PARD3B: variants seen among roughly 807,000 people sequenced by gnomAD.
PARD3B encodes the protein partitioning defective 3 homolog B.
Under a neutral mutation model 130.2 loss-of-function variants are expected in PARD3B, and 103 were observed. The observed-to-expected ratio is 0.79, with a 90% CI of 0.67 to 0.93. PARD3B has a LOEUF of 0.93. PARD3B is among the 40% of genes least tolerant of loss of function. PARD3B has a pLI of 0.00. For synonymous variants in PARD3B, 583 were observed against 553.2 expected (o/e 1.05, Z -0.76); for missense variants, 1,609 against 1,499.2 (o/e 1.07, Z -1.21).
At chr2:204,722,980 G>A (rs761549340) in intron 2 of PARD3B, among the ~76,000 whole-genome samples, 1 of 152,118 alleles carries the variant, frequency 6.6e-6, no homozygotes, top group Non-Finnish European at 1.5e-5. Flanking sequence ...CAATTGGGGA[G>A]TAATTTTTAT....
intron 2 of PARD3B, among the ~76,000 whole-genome samples, chr2:204,772,293 G>A (rs2125432839): frequency 6.6e-6 from 1 of 152,090 alleles, no homozygotes; most frequent in Admixed American, 6.6e-5. Context: ...AAAGAGTTAA[G>A]GTTTTCTTGT....
chr2:205,134,018 G>A (rs1393509226), intron 10 of PARD3B, among the ~76,000 whole-genome samples: 2 of 152,082 alleles, frequency 1.3e-5, no homozygotes, highest in Non-Finnish European at 2.9e-5. Flanking sequence ...AGGCTTTAGG[G>A]TAAGATATGT....
intron 2 of PARD3B, among the ~76,000 whole-genome samples, chr2:204,706,439 AC>A (rs1217138127): frequency 6.6e-6 from 1 of 152,080 alleles, no homozygotes; most frequent in Non-Finnish European, 1.5e-5. Flanking sequence ...AAAATAAGGG[AC>A]AGTGGGGAGA....
At chr2:205,371,054 C>T (rs1240137715) in intron 18 of PARD3B, among the ~76,000 whole-genome samples, 1 of 152,186 alleles carries the variant, frequency 6.6e-6, no homozygotes, top group Admixed American at 6.5e-5. Flanking sequence ...CCATCTCCCA[C>T]CAATATCAAA....
Position 205,267,648 on chromosome 2 carries a change from G to A in PARD3B, c.2185+21826G>A, listed in dbSNP as rs531594817. Among the ~76,000 whole-genome samples the A allele has an allele frequency of 7.2e-5, 11 of 152,226 alleles. No homozygotes were observed. In the East Asian group the frequency reaches 1.4e-3, roughly 19 times the overall value. ...GGTATGCCCTAATTTTAATGATTCC[G>A]CAGTCCTATGAGGTGACTTTAATCT... On this transcript the variant is annotated intron_variant, in intron 16 of 22. Transcript: ENST00000406610.
At chr2:205,102,735 A>T (rs534123052) in intron 4 of PARD3B, among the ~76,000 whole-genome samples, 9 of 152,302 alleles carry the variant, frequency 5.9e-5, no homozygotes, top group African/African-American at 2.2e-4. Context: ...TCACTACAAC[A>T]AAGTGCTTCT....
chr2:204,956,818 A>C (rs1690279802), intron 2 of PARD3B, among the ~76,000 whole-genome samples: 1 of 152,206 alleles, frequency 6.6e-6, no homozygotes. Flanking sequence ...AGGCAGGTAT[A>C]TAGAGTTTTT....
chr2:205,558,034 C>T lies in PARD3B; in HGVS notation c.3260+4631C>T, dbSNP rs969190191. 6.6e-6 allele frequency among the ~76,000 whole-genome samples: 1 copy of T among 152,170 alleles called. No homozygotes were observed. The highest frequency in any genetic ancestry group is 1.9e-4 in the East Asian group (1 of 5,190). On this transcript the variant is annotated intron_variant, in intron 22 of 22. Transcript: ENST00000406610. This position sits in a 1 kb window ranked among gnomAD's most constrained non-coding sequence, Gnocchi z 4.8. The stretch of plus-strand genomic sequence containing the variant: ...ACTGAAGCTGAAGGATTCGCCGACT[C>T]AGGAAAGACCAGTGGTCTGGATGGT...
At chr2:204,660,981 G>A (rs1254670844) in intron 1 of PARD3B, among the ~76,000 whole-genome samples, 1 of 152,078 alleles carries the variant, frequency 6.6e-6, no homozygotes, top group Non-Finnish European at 1.5e-5. Context: ...GGATACCTGT[G>A]TATTGGATGA....
rs573496631 is a variant in PARD3B at position 204,734,194 on chromosome 2, G to A, written c.222+47912G>A. 5.3e-5 allele frequency among the ~76,000 whole-genome samples: 8 copies of A among 152,134 alleles called. No individual in the cohort carries two copies. The South Asian group carries it at 1.7e-3, about 32-fold the overall frequency. On this transcript the variant is annotated intron_variant, in intron 2 of 22. Transcript: ENST00000406610. Reference sequence around the variant, plus strand: ...CAATGTTTCTAGTCATCAGAGAAAAGCAAATCAAAATTACAGTGATAACAT... The same window carrying A: ...CAATGTTTCTAGTCATCAGAGAAAAACAAATCAAAATTACAGTGATAACAT...
intron 3 of PARD3B, among the ~76,000 whole-genome samples, chr2:205,045,245 C>T (rs947884586): frequency 1.3e-5 from 2 of 149,262 alleles, no homozygotes; most frequent in African/African-American, 4.9e-5. Flanking sequence ...ATTATTATTA[C>T]TATTATTATT....
chr2:205,423,634 C>G (rs1559079942), intron 19 of PARD3B, among the ~76,000 whole-genome samples: 1 of 152,086 alleles, frequency 6.6e-6, no homozygotes, highest in Non-Finnish European at 1.5e-5. Flanking sequence ...CATTGCAACC[C>G]TATTCACAAT....
chr2:204,562,400 C>T (rs1022925057), intron 1 of PARD3B, among the ~76,000 whole-genome samples: 1 of 152,166 alleles, frequency 6.6e-6, no homozygotes, highest in Non-Finnish European at 1.5e-5. Flanking sequence ...AATCAAATGA[C>T]ATTGTAGGTG....
At chr2:205,256,788 G>A (rs928702246) in intron 16 of PARD3B, among the ~76,000 whole-genome samples, 2 of 152,092 alleles carry the variant, frequency 1.3e-5, no homozygotes, top group Non-Finnish European at 2.9e-5. Context: ...CTGGGAAGGA[G>A]ATGAAAGGCT....
intron 20 of PARD3B, among the ~76,000 whole-genome samples, chr2:205,443,547 AG>A (rs1244001330): frequency 1.3e-5 from 2 of 152,340 alleles, no homozygotes; most frequent in South Asian, 4.1e-4. Context: ...TGCCTAAGCT[AG>A]TCAGGAAAGT....
At chr2:205,384,580 A>G (rs868159610) in intron 18 of PARD3B, among the ~76,000 whole-genome samples, 2 of 152,110 alleles carry the variant, frequency 1.3e-5, no homozygotes, top group Admixed American at 6.6e-5. Flanking sequence ...CCAACCTCCT[A>G]GCTCTATTTT....
chr2:205,538,213 C>T (rs959257033), intron 21 of PARD3B, among the ~76,000 whole-genome samples: 33 of 152,262 alleles, frequency 2.2e-4, no homozygotes, highest in African/African-American at 7.5e-4. Context: ...CAAAGACATA[C>T]TGAAGGCTCT....
rs1405886560 is a variant in PARD3B, at chr2:205,558,159, C to CA, written c.3260+4757dup. Among the ~76,000 whole-genome samples the CA allele has an allele frequency of 6.6e-6, 1 of 152,190 alleles. No homozygotes were observed. The highest frequency in any genetic ancestry group is 1.5e-5 in the Non-Finnish European group (1 of 68,040). On this transcript the variant is annotated intron_variant, in intron 22 of 22. Transcript: ENST00000406610. The surrounding 1 kb of genome is among the most constrained non-coding windows in gnomAD (Gnocchi z 4.8). The stretch of plus-strand genomic sequence containing the variant: ...AGTGCTATGGAGAGGGGGTTTATAA[C>CA]AGATACAGCATGCTGACTTGGCTCT...
At chr2:205,255,260 C>G (rs2040030595) in intron 16 of PARD3B, among the ~76,000 whole-genome samples, 1 of 152,090 alleles carries the variant, frequency 6.6e-6, no homozygotes, top group Non-Finnish European at 1.5e-5. Context: ...ACTTTCTTGC[C>G]TCAACTCACA....
Sources: allele counts gnomAD v4.1 joint callset (sites outside exome capture counted in the v4.1 genomes callset), GRCh38; gene constraint gnomAD v4.1.1; non-coding constraint Gnocchi (gnomAD v3.1); transcripts MANE v1.5; gene names NCBI Gene and HGNC (gene_info 2026-07-23, HGNC 2026-07-21).